Variants in RFX4 observed in about 807,000 individuals in gnomAD.
The protein encoded by RFX4 is transcription factor RFX4.
Under a neutral mutation model 95.0 loss-of-function variants are expected in RFX4, and 10 were observed. The observed-to-expected ratio is 0.11, with a 90% CI of 0.06 to 0.18. The LOEUF (loss-of-function observed/expected upper bound fraction) is 0.18. Among genes scored for constraint, RFX4 ranks in the 10% least tolerant of loss-of-function variants. The probability of loss-of-function intolerance (pLI) is 1.00; values close to 1 mark genes in which losing one functional copy is unlikely to be tolerated. For synonymous variants in RFX4, 321 were observed against 340.7 expected (o/e 0.94, Z 0.64); for missense variants, 640 against 922.0 (o/e 0.69, Z 3.96).
rs369156177 is a variant in RFX4 at position 106,741,198 on chromosome 12, A to G, written c.1634-6239A>G. 1.2e-4 allele frequency among the ~76,000 whole-genome samples: 19 copies of G among 152,226 alleles called. No individual in the cohort carries two copies. The East Asian group carries it at 2.1e-3, about 17-fold the overall frequency. ...TTAGACACAGCTGTCTTAAGGATAG[A>G]TAATAGCCAATGACGGAGGTTGCAG... On this transcript the variant is annotated intron_variant, in intron 15 of 17. Coordinates refer to ENST00000392842, the MANE Select transcript of RFX4 (RefSeq NM_213594.3).
chr12:106,598,774 C>T (rs2039656663), intron 1 of RFX4, among the ~76,000 whole-genome samples: 1 of 152,110 alleles, frequency 6.6e-6, no homozygotes, highest in Non-Finnish European at 1.5e-5. Context: ...GCAATGATGT[C>T]AAGGATGGAA....
intron 1 of RFX4, among the ~76,000 whole-genome samples, chr12:106,591,332 A>G (rs141099784): frequency 2.1e-5 from 3 of 140,068 alleles, no homozygotes; most frequent in East Asian, 2.0e-4. Context: ...CAATGGCTCA[A>G]TCTCGGCTCA....
At chr12:106,646,907 A>T (rs1000253992) in intron 3 of RFX4, among the ~76,000 whole-genome samples, 6 of 152,172 alleles carry the variant, frequency 3.9e-5, no homozygotes, top group African/African-American at 1.4e-4. Flanking sequence ...ACACAAATGC[A>T]TGTTTCTGAT....
intron 1 of RFX4, among the ~76,000 whole-genome samples, chr12:106,604,371 C>T (rs1046274201): frequency 6.6e-6 from 1 of 152,046 alleles, no homozygotes; most frequent in African/African-American, 2.4e-5. Flanking sequence ...ATCAGCCCGC[C>T]TCAGCCTCCC....
intron 1 of RFX4, among the ~76,000 whole-genome samples, chr12:106,594,174 T>C (rs1345092777): frequency 6.6e-6 from 1 of 152,236 alleles, no homozygotes; most frequent in Non-Finnish European, 1.5e-5. Flanking sequence ...ACAAGCATTA[T>C]TGGACATCAC....
chr12:106,709,638 G>A (rs1168705467), intron 9 of RFX4, among the ~76,000 whole-genome samples: 2 of 145,730 alleles, frequency 1.4e-5, no homozygotes, highest in East Asian at 3.9e-4. Context: ...TTACAGAAGA[G>A]GAATCAACTT....
chr12:106,732,365 G>C, intron 14 of RFX4, 116 bp downstream of exon 14: 1 of 1,397,828 alleles, frequency 7.2e-7, no homozygotes, highest in Non-Finnish European at 9.7e-7. Context: ...TGGTGAACAG[G>C]TTAAGTGGTA....
chr12:106,732,890 T>C (rs752571722), intron 14 of RFX4, 34 bp from the exon 15 acceptor site: 1 of 1,599,602 alleles, frequency 6.3e-7, no homozygotes, highest in Non-Finnish European at 8.6e-7. Context: ...CCTTTACATT[T>C]GGTTTTAAAA....
At chr12:106,692,957 C>G (rs2041811907) in intron 7 of RFX4, 1 of 221,006 alleles carries the variant, frequency 4.5e-6, no homozygotes, top group Non-Finnish European at 9.4e-6. Context: ...AACCAGAGCT[C>G]TTAATTTTCT....
chr12:106,731,132 C>A (rs2042605130), intron 13 of RFX4, among the ~76,000 whole-genome samples: 1 of 152,132 alleles, frequency 6.6e-6, no homozygotes, highest in African/African-American at 2.4e-5. Context: ...ATGGAGATGT[C>A]CTATTGGGAC....
At chr12:106,638,486 T>C (rs992908499) in intron 2 of RFX4, among the ~76,000 whole-genome samples, 12 of 141,882 alleles carry the variant, frequency 8.5e-5, no homozygotes, top group African/African-American at 3.4e-4. Flanking sequence ...AACCTGATTC[T>C]TCTGAACACT....
Position 106,687,182 on chromosome 12 carries a change from TCACACACACACACACACACA to T in RFX4, c.591+110_591+129del, listed in dbSNP as rs56006444. The T allele has an allele frequency of 4.3e-4, 238 of 547,202 alleles. 2 individuals are homozygous for T. Among genetic ancestry groups the T allele is most frequent in the Admixed American group, 1.9e-3 (64 of 33,928 alleles). The allele number at this position is 547,202 out of a possible 1,614,324, so 33.9% of individuals were successfully genotyped here. On this transcript the variant is annotated intron_variant, in intron 6 of 17. Coordinates refer to ENST00000392842, the MANE Select transcript of RFX4 (RefSeq NM_213594.3). ...CTCTGTCTCTATCTCTCTCTCTCTCTCACACACACACACACACACACACACACACACACACACACACACAT... is the reference window on the plus strand; with the variant it reads ...CTCTGTCTCTATCTCTCTCTCTCTCTCACACACACACACACACACACACAT...
At chr12:106,618,603 C>G (rs575646217) in intron 2 of RFX4, among the ~76,000 whole-genome samples, 1 of 151,944 alleles carries the variant, frequency 6.6e-6, no homozygotes, top group South Asian at 2.1e-4. Context: ...TATGGTATAT[C>G]TTTTTCATCT....
In RFX4 at chr12:106,608,780, CTTT is replaced by C. The variant is rs55993073; in HGVS notation, c.44-5_44-3del. On this transcript the variant is annotated splice_polypyrimidine_tract_variant and intron_variant, in intron 1 of 17. Coordinates refer to ENST00000392842, the MANE Select transcript of RFX4 (RefSeq NM_213594.3). The stretch of plus-strand genomic sequence containing the variant: ...TTCTTTTTCTTTTCTTTCTTTCTTT[CTTT>C]TTTTTTTTTTTAGAGAGCTGGATTG... The C allele has an allele frequency of 4.7e-4, 661 of 1,417,594 alleles. No individual in the cohort carries two copies. Among genetic ancestry groups the C allele is most frequent in the Admixed American group, 1.2e-3 (50 of 42,974 alleles). 87.8% of individuals were successfully genotyped at this position (1,417,594 alleles called of 1,614,324 possible).
chr12:106,710,652 G>A (rs2042175736), intron 9 of RFX4, among the ~76,000 whole-genome samples: 1 of 152,194 alleles, frequency 6.6e-6, no homozygotes, highest in South Asian at 2.1e-4. Flanking sequence ...AAAGTCGGCG[G>A]CAAGGAGGTT....
intron 16 of RFX4, among the ~76,000 whole-genome samples, chr12:106,748,020 C>T (rs1452456477): frequency 6.6e-6 from 1 of 151,990 alleles, no homozygotes; most frequent in Admixed American, 6.6e-5. Context: ...CTACCCTTTG[C>T]TGAGTTCCCA....
At chr12:106,732,901 A>G in intron 14 of RFX4, 23 bp from the exon 15 acceptor site, 1 of 1,604,896 alleles carries the variant, frequency 6.2e-7, no homozygotes, top group Non-Finnish European at 8.5e-7. Context: ...GGTTTTAAAA[A>G]CTTACCCTAT....
At chr12:106,614,411 G>A (rs565218821) in intron 2 of RFX4, among the ~76,000 whole-genome samples, 8 of 151,472 alleles carry the variant, frequency 5.3e-5, no homozygotes, top group African/African-American at 1.9e-4. Context: ...CACCTGCCTC[G>A]GCCCCCCAAA....
intron 4 of RFX4, among the ~76,000 whole-genome samples, chr12:106,656,241 T>C (rs181232846): frequency 1.1e-4 from 17 of 152,350 alleles, no homozygotes; most frequent in Non-Finnish European, 2.2e-4. Flanking sequence ...TGTGGCTGTT[T>C]AACTTAAACA....
Sources: gnomAD v4.1 joint callset for allele counts (sites outside exome capture counted in the v4.1 genomes callset) on GRCh38, gnomAD v4.1.1 for gene constraint, MANE v1.5 for transcripts, NCBI Gene and HGNC (gene_info 2026-07-23, HGNC 2026-07-21) for gene names.